Variants in SH3RF3 observed in about 807,000 individuals in gnomAD.
SH3RF3 encodes E3 ubiquitin-protein ligase SH3RF3.
Under a neutral mutation model 66.3 loss-of-function variants are expected in SH3RF3, and 29 were observed. That is an observed-to-expected ratio of 0.44 (90% CI 0.33 to 0.60). The LOEUF (loss-of-function observed/expected upper bound fraction) is 0.60, where lower values mean the gene tolerates loss of function less well. Ranked by LOEUF, SH3RF3 falls within the 20% of genes least tolerant of loss-of-function variation. The probability of loss-of-function intolerance (pLI) is 0.04; values close to 1 mark genes in which losing one functional copy is unlikely to be tolerated. For missense variants in SH3RF3, 1,194 were observed against 1,190.9 expected (o/e 1.00, Z -0.04); for synonymous variants, 583 against 532.0 (o/e 1.10, Z -1.32).
intron 1 of SH3RF3, among the ~76,000 whole-genome samples, chr2:109,186,285 C>A (rs1678185236): frequency 6.6e-6 from 1 of 152,230 alleles, no homozygotes; most frequent in African/African-American, 2.4e-5. Flanking sequence ...TTCATGTAAT[C>A]CTGACTGCAG....
At chr2:109,236,341 C>T (rs1165676617) in intron 1 of SH3RF3, among the ~76,000 whole-genome samples, 1 of 152,126 alleles carries the variant, frequency 6.6e-6, no homozygotes, top group Non-Finnish European at 1.5e-5. Flanking sequence ...AGCAGTGCCT[C>T]CAGAGTGTGC....
At chr2:109,220,547 G>A (rs954604507) in intron 1 of SH3RF3, among the ~76,000 whole-genome samples, 1 of 152,086 alleles carries the variant, frequency 6.6e-6, no homozygotes, top group Non-Finnish European at 1.5e-5. Context: ...ATGAATATCT[G>A]GAATATATAA....
intron 1 of SH3RF3, among the ~76,000 whole-genome samples, chr2:109,316,065 G>C (rs1681873047): frequency 6.6e-6 from 1 of 152,178 alleles, no homozygotes; most frequent in Non-Finnish European, 1.5e-5. Context: ...ATTAGATGTG[G>C]TTAGAAAAGT....
chr2:109,394,006 G>A (rs1676075629), intron 3 of SH3RF3, among the ~76,000 whole-genome samples: 1 of 152,120 alleles, frequency 6.6e-6, no homozygotes. Flanking sequence ...GGAGTCAGGA[G>A]ACCCATGGCT....
chr2:109,303,565 C>T (rs1274533573), intron 1 of SH3RF3, among the ~76,000 whole-genome samples: 5 of 152,280 alleles, frequency 3.3e-5, no homozygotes, highest in African/African-American at 9.6e-5. Flanking sequence ...GAAGGAAACC[C>T]ACCCGATGAT....
In SH3RF3 at chr2:109,372,662, C is replaced by T. The variant is rs1049683384; in HGVS notation, c.945+981C>T. ...AGGAGTGGCAGAACCAAGGTTTCAG[C>T]GCGGGCCTCTTGGCCCTAGACTCAG... On this transcript the variant is annotated intron_variant, in intron 3 of 9. Transcript: ENST00000309415. 3.3e-5 allele frequency among the ~76,000 whole-genome samples: 5 copies of T among 152,366 alleles called. No homozygotes were observed. In the East Asian group the frequency reaches 7.7e-4, roughly 24 times the overall value.
intron 1 of SH3RF3, among the ~76,000 whole-genome samples, chr2:109,179,003 A>ATGTGTGTGTGTGTGTG (rs56236635): frequency 0.063 from 8,890 of 141,712 alleles, 396 homozygotes; most frequent in Middle Eastern, 0.11. Context: ...AAGTATAATA[A>ATGTGTGTGTGTGTGTG]TGTGTGTGTG....
intron 2 of SH3RF3, among the ~76,000 whole-genome samples, chr2:109,360,456 C>A (rs192101072): frequency 9.2e-5 from 14 of 152,066 alleles, no homozygotes; most frequent in African/African-American, 3.4e-4. Flanking sequence ...TATAAAATTA[C>A]CTTCAGGTTG....
chr2:109,491,851 G>A (rs74217152), intron 9 of SH3RF3, among the ~76,000 whole-genome samples: 92,342 of 152,094 alleles, frequency 0.61, 28,870 homozygotes, highest in Middle Eastern at 0.78. Context: ...TCCCTTGGCC[G>A]TTCGGGTGCC....
chr2:109,199,597 T>TCAACGCGAGTGCAG (rs1558953918), intron 1 of SH3RF3, among the ~76,000 whole-genome samples: 1 of 274 alleles, frequency 3.6e-3, no homozygotes, highest in Non-Finnish European at 6.8e-3. Flanking sequence ...TGGAATGGAA[T>TCAACGCGAGTGCAG]GGAATGGAAT....
chr2:109,222,462 AATT>A (rs1482269377), intron 1 of SH3RF3, among the ~76,000 whole-genome samples: 2 of 151,922 alleles, frequency 1.3e-5, no homozygotes, highest in Non-Finnish European at 2.9e-5. Context: ...AAATATGTAC[AATT>A]ATTATGTATC....
At chr2:109,154,471 C>G (rs1324078901) in intron 1 of SH3RF3, among the ~76,000 whole-genome samples, 1 of 152,206 alleles carries the variant, frequency 6.6e-6, no homozygotes, top group Non-Finnish European at 1.5e-5. Context: ...GGACCACCAG[C>G]CTTTTTGAGG....
At chr2:109,443,994 G>A (rs866242409) in intron 7 of SH3RF3, among the ~76,000 whole-genome samples, 6 of 152,162 alleles carry the variant, frequency 3.9e-5, no homozygotes, top group Admixed American at 2.0e-4. Context: ...ACTGGGCCAT[G>A]ATATTTTTAA....
chr2:109,383,152 T>C (rs552869721), intron 3 of SH3RF3, among the ~76,000 whole-genome samples: 7 of 152,254 alleles, frequency 4.6e-5, no homozygotes, highest in Non-Finnish European at 8.8e-5. Context: ...TTTTCAGGCA[T>C]GGAAGTGAAA....
intron 8 of SH3RF3, among the ~76,000 whole-genome samples, chr2:109,455,307 C>T (rs1005718537): frequency 1.3e-5 from 2 of 152,110 alleles, no homozygotes; most frequent in Admixed American, 6.6e-5. Context: ...CACATTGGAC[C>T]CAGCCACAGC....
intron 1 of SH3RF3, among the ~76,000 whole-genome samples, chr2:109,179,107 C>T (rs1010952956): frequency 6.6e-6 from 1 of 150,570 alleles, no homozygotes; most frequent in Non-Finnish European, 1.5e-5. Context: ...TCAGAAGAGT[C>T]TGTGAAATGT....
At chr2:109,302,170 G>C (rs1392316382) in intron 1 of SH3RF3, among the ~76,000 whole-genome samples, 1 of 152,204 alleles carries the variant, frequency 6.6e-6, no homozygotes, top group Non-Finnish European at 1.5e-5. Flanking sequence ...CTGCAAAGCT[G>C]GCGTTGGTAC....
chr2:109,360,431 A>C (rs549845089), intron 2 of SH3RF3, among the ~76,000 whole-genome samples: 1 of 152,338 alleles, frequency 6.6e-6, no homozygotes, highest in African/African-American at 2.4e-5. Flanking sequence ...CATGCACAAA[A>C]TTATTAAAAT....
At chr2:109,493,986 GCTGC>G (rs1472712115) in intron 9 of SH3RF3, among the ~76,000 whole-genome samples, 1 of 152,128 alleles carries the variant, frequency 6.6e-6, no homozygotes, top group African/African-American at 2.4e-5. Flanking sequence ...ACCAACACCT[GCTGC>G]CTGTGTTTTC....
Sources: gnomAD v4.1 joint callset for allele counts (sites outside exome capture counted in the v4.1 genomes callset) on GRCh38, gnomAD v4.1.1 for gene constraint, MANE v1.5 for transcripts, NCBI Gene and HGNC (gene_info 2026-07-23, HGNC 2026-07-21) for gene names.